Variants in RRP9 observed in about 807,000 individuals in gnomAD.
RRP9 encodes the protein ribosomal RNA processing 9, U3 small nucleolar RNA binding protein.
Under a neutral mutation model 65.5 loss-of-function variants are expected in RRP9, and 35 were observed. That is an observed-to-expected ratio of 0.53 (90% CI 0.41 to 0.71). RRP9 has a LOEUF of 0.71. Ranked by LOEUF, RRP9 falls within the 30% of genes least tolerant of loss-of-function variation. The probability of loss-of-function intolerance (pLI) is 0.00; values close to 1 mark genes in which losing one functional copy is unlikely to be tolerated. For synonymous variants in RRP9, 254 were observed against 245.0 expected (o/e 1.04, Z -0.34); for missense variants, 533 against 633.6 (o/e 0.84, Z 1.70).
Position 51,937,732 on chromosome 3 carries a change from C to T in RRP9, c.285G>A (p.Glu95=). 1 of 1,614,108 alleles carries T rather than the reference C, an allele frequency of 6.2e-7. No homozygotes were observed. Among genetic ancestry groups the T allele is most frequent in the Non-Finnish European group, 8.5e-7 (1 of 1,180,040 alleles). ...LYLEQLRQQE[E]EKAEARAFEE... is the part of the protein sequence containing the mutation. ...CAAATGCACGGGCCTCAGCCTTCTC[C>T]TCCTCTGTGCAGGACAGACCAGACC... Residue 95 remains glutamate (E), a synonymous_variant, in exon 4 of 15, where the codon GAG becomes GAA. Coordinates refer to ENST00000232888, the MANE Select transcript of RRP9 (RefSeq NM_004704.5). The surrounding 1 kb of genome is among the most constrained non-coding windows in gnomAD (Gnocchi z 5.0).
chr3:51,938,002 C>T, intron 3 of RRP9, 93 bp downstream of exon 3: 2 of 1,130,920 alleles, frequency 1.8e-6, no homozygotes, highest in African/African-American at 1.5e-5. Context: ...GAATCCATGT[C>T]AGTCACCCAT....
At chr3:51,936,129 C>T in intron 8 of RRP9, 128 bp downstream of exon 8, 1 of 828,308 alleles carries the variant, frequency 1.2e-6, no homozygotes, top group Non-Finnish European at 2.0e-6. Flanking sequence ...TTTACAGCAC[C>T]ACTCGCTACC....
rs772740789 is a variant in RRP9 at position 51,941,435 on chromosome 3, C to G, written c.144G>C (p.Glu48Asp). 4.3e-6 allele frequency: 7 copies of G among 1,613,948 alleles called. No homozygotes were observed. Among genetic ancestry groups the G allele is most frequent in the Non-Finnish European group, 5.9e-6 (7 of 1,179,936 alleles). ...TCTCGCTCTCAGAGTCGCTGGAGAT[C>G]TCCTCATTCATCTTGCCGCCACCCT... is the stretch of plus-strand genomic sequence containing the variant. ...KSKGGGKMNE[E>D]ISSDSESESL... Residue 48 changes from glutamate (E) to aspartate (D), a missense_variant, in exon 2 of 15, where the codon GAG becomes GAC. Glu to Asp is a conservative substitution (Grantham distance 45, BLOSUM62 2). Coordinates refer to ENST00000232888, the MANE Select transcript of RRP9 (RefSeq NM_004704.5).
chr3:51,941,893 G>A lies in RRP9; in HGVS notation c.-26C>T. On this transcript the variant is annotated 5_prime_UTR_variant, in exon 1 of 15. Coordinates refer to ENST00000232888, the MANE Select transcript of RRP9 (RefSeq NM_004704.5). ...GCTGCCCACCAGGCGTGTAGCAGCG[G>A]CCGCAGAACTCACGTGGCAGCTGAA... 2.6e-6 allele frequency: 4 copies of A among 1,551,622 alleles called. No homozygotes were observed. Among genetic ancestry groups the A allele is most frequent in the Non-Finnish European group, 3.5e-6 (4 of 1,153,756 alleles).
chr3:51,936,619 T>C, intron 6 of RRP9, 64 bp from the exon 7 acceptor site: 1 of 1,535,764 alleles, frequency 6.5e-7, no homozygotes, highest in South Asian at 1.1e-5. Flanking sequence ...GCAACCCCCC[T>C]CAAGGGGCAG....
intron 8 of RRP9, among the ~76,000 whole-genome samples, 193 bp downstream of exon 8, chr3:51,936,064 A>C (rs1418643715): frequency 6.6e-6 from 1 of 152,062 alleles, no homozygotes; most frequent in East Asian, 1.9e-4. Context: ...ATTCCTGAGC[A>C]AGCTCGGCCC....
chr3:51,936,388 G>A, intron 7 of RRP9, 39 bp from the exon 8 acceptor site: 1 of 1,614,186 alleles, frequency 6.2e-7, no homozygotes, highest in Non-Finnish European at 8.5e-7. Flanking sequence ...CACCCACCAT[G>A]CACCAGACCT....
At chr3:51,939,127 T>G (rs1338767817) in intron 2 of RRP9, among the ~76,000 whole-genome samples, 1 of 152,142 alleles carries the variant, frequency 6.6e-6, no homozygotes, top group Non-Finnish European at 1.5e-5. Context: ...CCTGAAGACA[T>G]CTAGTCTCTG....
At position 51,933,728 on chromosome 3, in the gene RRP9, A is replaced by G. The variant is rs2106669571; in HGVS notation, c.1314T>C (p.Ala438=). The change falls in exon 14 of 15, where the codon GCT becomes GCC. Residue 438 remains alanine, a synonymous_variant. Coordinates refer to ENST00000232888, the MANE Select transcript of RRP9 (RefSeq NM_004704.5). ...CATACCTGTGCTCCTGCCCTACCCC[A>G]GCCACCAGGAAGTCCCCAGAGCTGG... The part of the protein sequence containing the change: ...KFSSSGDFLV[A]GVGQEHRLGR... 1.2e-6 allele frequency: 2 copies of G among 1,614,090 alleles called. No homozygotes were observed. Among genetic ancestry groups the G allele is most frequent in the East Asian group, 2.2e-5 (1 of 44,874 alleles).
In RRP9 at chr3:51,935,953, C is replaced by T. The variant is rs150571724; in HGVS notation, c.736-261G>A. ...CATAGCTCACTGCAGCCTCCATCTC[C>T]TGGGCTCAGATGATCCTCCATCTCG... On this transcript the variant is annotated intron_variant, in intron 8 of 14. Transcript: ENST00000232888. Among the ~76,000 whole-genome samples the T allele has an allele frequency of 7.7e-3, 1,166 of 152,286 alleles. 15 individuals carry two copies. Among genetic ancestry groups the T allele is most frequent in the African/African-American group, 0.025 (1,056 of 41,556 alleles).
At chr3:51,939,896 T>C (rs964444472) in intron 2 of RRP9, among the ~76,000 whole-genome samples, 3 of 152,226 alleles carry the variant, frequency 2.0e-5, no homozygotes, top group African/African-American at 4.8e-5. Flanking sequence ...ATTCTAAAAA[T>C]ATTTAAAAGC....
At position 51,937,848 on chromosome 3, in the gene RRP9, C is replaced by T; in HGVS notation, c.281-112G>A. The T allele has an allele frequency of 7.5e-7, 1 of 1,342,024 alleles. No individual in the cohort carries two copies. The highest frequency in any genetic ancestry group is 1.0e-6 in the Non-Finnish European group (1 of 959,178). The allele number at this position is 1,342,024 out of a possible 1,614,324, so 83.1% of individuals were successfully genotyped here. On this transcript the variant is annotated intron_variant, in intron 3 of 14. Transcript: ENST00000232888. This position sits in a 1 kb window ranked among gnomAD's most constrained non-coding sequence, Gnocchi z 5.0. ...GGATAATGCAGGAAGCTCCAGCTGCCTCAGCAGAGGGGAGGGCAAGCTGGA... is the reference window on the plus strand; with the variant it reads ...GGATAATGCAGGAAGCTCCAGCTGCTTCAGCAGAGGGGAGGGCAAGCTGGA...
chr3:51,937,818 G>C lies in RRP9; in HGVS notation c.281-82C>G, dbSNP rs962005203. 2.0e-6 allele frequency: 3 copies of C among 1,528,290 alleles called. No individual in the cohort carries two copies. Among genetic ancestry groups the C allele is most frequent in the Non-Finnish European group, 1.8e-6 (2 of 1,112,578 alleles). 94.7% of individuals were successfully genotyped at this position (1,528,290 alleles called of 1,614,324 possible). A position where few individuals can be genotyped will look rare whatever the true frequency, so the allele number is the denominator to read the frequency against. ...ATCCTGTCCCCATCCCACTGCCCCA[G>C]GGCTGGATAATGCAGGAAGCTCCAG... On this transcript the variant is annotated intron_variant, in intron 3 of 14. Transcript: ENST00000232888. The surrounding 1 kb of genome is among the most constrained non-coding windows in gnomAD (Gnocchi z 5.0).
rs1420970454 is a variant in RRP9 at position 51,937,674 on chromosome 3, C to A, written c.343G>T (p.Asp115Tyr). The A allele has an allele frequency of 6.2e-7, 1 of 1,614,218 alleles. No homozygotes were observed. Among genetic ancestry groups the A allele is most frequent in the Non-Finnish European group, 8.5e-7 (1 of 1,180,036 alleles). ...EDQVAGRLKEDVLEQRGRLQK... is the reference protein window; with the variant it reads ...EDQVAGRLKEYVLEQRGRLQK... The stretch of plus-strand genomic sequence containing the variant: ...AACTCTCCCTCCACACTTACCACAT[C>A]CTCCTTCAGGCGCCCCGCCACCTGG... The change falls in exon 4 of 15, where the codon GAT becomes TAT. Residue 115 changes from aspartate to tyrosine, a missense_variant. Coordinates refer to ENST00000232888, the MANE Select transcript of RRP9 (RefSeq NM_004704.5). This position sits in a 1 kb window ranked among gnomAD's most constrained non-coding sequence, Gnocchi z 5.0.
intron 3 of RRP9, 60 bp downstream of exon 3, chr3:51,938,035 C>CA: frequency 7.4e-7 from 1 of 1,355,190 alleles, no homozygotes; most frequent in Non-Finnish European, 1.0e-6. Flanking sequence ...GCTGCAGCGG[C>CA]GGGCAGCAGA....
chr3:51,941,851 G>C lies in RRP9; in HGVS notation c.17C>G (p.Ala6Gly). MSATA[A>G]ARKRGKPASG... ...GGCCGGCTTTCCCCGCTTACGAGCA[G>C]CCGCTGTTGCCGACATGCTGCCCAC... The change falls in exon 1 of 15, where the codon GCT (alanine) becomes GGT (glycine). Residue 6 changes from alanine to glycine, a missense_variant. Ala to Gly is a moderately conservative substitution (Grantham distance 60, BLOSUM62 0). Coordinates refer to ENST00000232888, the MANE Select transcript of RRP9 (RefSeq NM_004704.5). 6.3e-7 allele frequency: 1 copy of C among 1,582,224 alleles called. No individual in the cohort carries two copies. Among genetic ancestry groups the C allele is most frequent in the Non-Finnish European group, 8.5e-7 (1 of 1,172,164 alleles).
rs1348207014 is a variant in RRP9, at chr3:51,941,856, T to C, written c.12A>G (p.Thr4=). The C allele has an allele frequency of 7.0e-6, 11 of 1,582,266 alleles. No individual in the cohort carries two copies. The highest frequency in any genetic ancestry group is 1.3e-5 in the African/African-American group (1 of 74,330). The part of the protein sequence containing the change: MSA[T]AAARKRGKPA... ...GCTTTCCCCGCTTACGAGCAGCCGC[T>C]GTTGCCGACATGCTGCCCACCAGGC... The change falls in exon 1 of 15, where the codon ACA becomes ACG. Residue 4 remains threonine (T), a synonymous_variant. Transcript: ENST00000232888.
At chr3:51,938,304 A>C in intron 2 of RRP9, 100 bp from the exon 3 acceptor site, 1 of 826,134 alleles carries the variant, frequency 1.2e-6, no homozygotes, top group Non-Finnish European at 1.9e-6. Context: ...AACCTCCCCT[A>C]TTCCCTGCTA....
At chr3:51,936,632 T>G in intron 6 of RRP9, 77 bp from the exon 7 acceptor site, 1 of 1,478,810 alleles carries the variant, frequency 6.8e-7, no homozygotes, top group East Asian at 2.3e-5. Flanking sequence ...AGGGGCAGCA[T>G]GGAAAAAAGA....
Sources: gnomAD v4.1 joint callset for allele counts (sites outside exome capture counted in the v4.1 genomes callset) on GRCh38, gnomAD v4.1.1 for gene constraint, Gnocchi (gnomAD v3.1) non-coding constraint, MANE v1.5 for transcripts, NCBI Gene and HGNC (gene_info 2026-07-23, HGNC 2026-07-21) for gene names.